Variants in BMPR1A observed in about 807,000 individuals in gnomAD.
The protein encoded by BMPR1A is bone morphogenetic protein receptor type-1A.
Under a neutral mutation model 66.0 loss-of-function variants are expected in BMPR1A, and 7 were observed. The observed-to-expected ratio is 0.11, with a 90% confidence interval of 0.06 to 0.20. The LOEUF (loss-of-function observed/expected upper bound fraction) is 0.20. Among genes scored for constraint, BMPR1A ranks in the 10% least tolerant of loss-of-function variants. The pLI, the probability that BMPR1A is intolerant of heterozygous loss-of-function variation, is 1.00. For missense variants in BMPR1A, 408 were observed against 669.1 expected (o/e 0.61, Z 4.31); for synonymous variants, 200 against 229.7 (o/e 0.87, Z 1.17).
At chr10:86,882,856 C>T (rs1490553221) in intron 3 of BMPR1A, among the ~76,000 whole-genome samples, 1 of 151,920 alleles carries the variant, frequency 6.6e-6, no homozygotes, top group East Asian at 1.9e-4. Context: ...ATCCCAGCTA[C>T]TCGGGAGGCT....
At chr10:86,883,423 G>T (rs11202246) in intron 3 of BMPR1A, among the ~76,000 whole-genome samples, 2 of 151,406 alleles carry the variant, frequency 1.3e-5, no homozygotes, top group African/African-American at 4.9e-5. Flanking sequence ...GGTGGCGGGC[G>T]CCTGTAGTCC....
chr10:86,839,552 C>T (rs1295119214), intron 2 of BMPR1A, among the ~76,000 whole-genome samples: 4 of 140,486 alleles, frequency 2.8e-5, no homozygotes, highest in Non-Finnish European at 4.5e-5. Context: ...GAGATCATGC[C>T]GCTGTACTCC....
At chr10:86,871,935 A>G (rs1842859982) in intron 2 of BMPR1A, among the ~76,000 whole-genome samples, 1 of 152,120 alleles carries the variant, frequency 6.6e-6, no homozygotes, top group South Asian at 2.1e-4. Flanking sequence ...TTGTATCTCA[A>G]GTGGAGTGGT....
At chr10:86,914,564 G>T (rs1843536445) in intron 8 of BMPR1A, among the ~76,000 whole-genome samples, 1 of 152,058 alleles carries the variant, frequency 6.6e-6, no homozygotes, top group African/African-American at 2.4e-5. Flanking sequence ...ATGGACAAAA[G>T]ATTTGAACAG....
At chr10:86,878,367 C>A (rs1041425561) in intron 3 of BMPR1A, among the ~76,000 whole-genome samples, 2 of 152,200 alleles carry the variant, frequency 1.3e-5, no homozygotes, top group African/African-American at 2.4e-5. Flanking sequence ...CTGATATTAA[C>A]AGCTGATAGA....
intron 1 of BMPR1A, among the ~76,000 whole-genome samples, chr10:86,763,939 C>G (rs942738979): frequency 6.6e-6 from 1 of 151,946 alleles, no homozygotes; most frequent in African/African-American, 2.4e-5. Context: ...CACAGGAGCC[C>G]GCCACCACGC....
chr10:86,841,772 C>T (rs551784961), intron 2 of BMPR1A, among the ~76,000 whole-genome samples: 1 of 152,116 alleles, frequency 6.6e-6, no homozygotes, highest in East Asian at 1.9e-4. Flanking sequence ...AGTTCCCGCC[C>T]CCACCAACCC....
At chr10:86,833,807 C>T (rs966758237) in intron 1 of BMPR1A, among the ~76,000 whole-genome samples, 1 of 152,084 alleles carries the variant, frequency 6.6e-6, no homozygotes, top group African/African-American at 2.4e-5. Context: ...TGTATCTGTT[C>T]CTAAGTCACC....
At chr10:86,798,717 G>T (rs1841761809) in intron 1 of BMPR1A, among the ~76,000 whole-genome samples, 1 of 152,208 alleles carries the variant, frequency 6.6e-6, no homozygotes, top group Non-Finnish European at 1.5e-5. Flanking sequence ...ATTTTGCCCA[G>T]TATGTCTTTT....
chr10:86,906,321 CTT>C, intron 7 of BMPR1A, among the ~76,000 whole-genome samples: 1 of 151,624 alleles, frequency 6.6e-6, no homozygotes, highest in East Asian at 1.9e-4. Flanking sequence ...GTGTGTGTTT[CTT>C]TTTTGGTATT....
At chr10:86,759,316 A>G (rs527868902) in intron 1 of BMPR1A, among the ~76,000 whole-genome samples, 20 of 152,108 alleles carry the variant, frequency 1.3e-4, no homozygotes, top group African/African-American at 4.1e-4. Context: ...ACTTTTCTCT[A>G]TGTCTCTAGT....
At position 86,925,641 on chromosome 10, in the gene BMPR1A, A is replaced by G. The variant is rs190449684; in HGVS notation, c.*1922A>G. On this transcript the variant is annotated 3_prime_UTR_variant, in exon 13 of 13. Transcript: ENST00000372037. ...TTAATCTGCGTTGCCGTATGATATG[A>G]TTGCACTTAGAACACCCAATTTACT... 974 of 188,362 alleles carry G rather than the reference A, an allele frequency of 5.2e-3. 10 individuals are homozygous for G. The highest frequency in any genetic ancestry group is 0.042 in the South Asian group (212 of 5,070). The allele number at this position is 188,362 out of a possible 1,614,324, so 11.7% of individuals were successfully genotyped here.
At chr10:86,797,254 G>A (rs568942606) in intron 1 of BMPR1A, among the ~76,000 whole-genome samples, 22 of 72,394 alleles carry the variant, frequency 3.0e-4, no homozygotes, top group Non-Finnish European at 5.4e-4. Context: ...TTTTTGAGAC[G>A]GAGTCTTGCT....
intron 9 of BMPR1A, among the ~76,000 whole-genome samples, chr10:86,918,888 G>C (rs2133586887): frequency 6.6e-6 from 1 of 152,230 alleles, no homozygotes; most frequent in East Asian, 1.9e-4. Flanking sequence ...CTCCCAAAGT[G>C]ATACAGGTGT....
chr10:86,839,592 C>CTAA (rs1842397221), intron 2 of BMPR1A, among the ~76,000 whole-genome samples: 1 of 73,056 alleles, frequency 1.4e-5, no homozygotes, highest in Non-Finnish European at 2.6e-5. Context: ...GACTCTGTCT[C>CTAA]AAAAAAAAAA....
intron 1 of BMPR1A, among the ~76,000 whole-genome samples, chr10:86,760,370 C>T (rs553756079): frequency 6.6e-6 from 1 of 150,706 alleles, no homozygotes; most frequent in South Asian, 2.1e-4. Flanking sequence ...TCTCCTGCCT[C>T]AGCCTCCCAG....
intron 1 of BMPR1A, among the ~76,000 whole-genome samples, chr10:86,799,048 G>T (rs1256733267): frequency 6.6e-6 from 1 of 152,152 alleles, no homozygotes; most frequent in Non-Finnish European, 1.5e-5. Context: ...GAAAATAACT[G>T]ACTACTAAAG....
chr10:86,866,406 T>C (rs1842787009), intron 2 of BMPR1A, among the ~76,000 whole-genome samples: 3 of 107,608 alleles, frequency 2.8e-5, no homozygotes, highest in Non-Finnish European at 5.5e-5. Context: ...TTTCTTTTTT[T>C]TTTTTTTTTT....
chr10:86,808,194 ATGTT>A (rs1841918924), intron 1 of BMPR1A, among the ~76,000 whole-genome samples: 1 of 152,148 alleles, frequency 6.6e-6, no homozygotes. Context: ...ATTTTTAATC[ATGTT>A]TGTTCATAAT....
Sources: allele counts gnomAD v4.1 joint callset (sites outside exome capture counted in the v4.1 genomes callset), GRCh38; gene constraint gnomAD v4.1.1; transcripts MANE v1.5; gene names NCBI Gene and HGNC (gene_info 2026-07-23, HGNC 2026-07-21).